The following LRMDA variants were observed in gnomAD, a reference collection of about 807,000 sequenced individuals.
The protein encoded by LRMDA is leucine-rich melanocyte differentiation-associated protein.
LRMDA carries 18 observed loss-of-function variants against 29.8 expected under a neutral mutation model. The ratio of observed to expected loss-of-function variants is 0.60; its 90% CI spans 0.42 to 0.90. The LOEUF (loss-of-function observed/expected upper bound fraction) is 0.90, where lower values mean the gene tolerates loss of function less well. Ranked by LOEUF, LRMDA falls within the 40% of genes least tolerant of loss-of-function variation. The pLI is 0.00. For synonymous variants in LRMDA, 125 were observed against 109.4 expected, an observed-to-expected ratio of 1.14 and a Z score of -0.89; for missense variants, 273 against 273.9, an observed-to-expected ratio of 1.00 and a Z score of 0.02.
intron 2 of LRMDA, among the ~76,000 whole-genome samples, chr10:75,448,680 C>T (rs551113640): frequency 6.6e-6 from 1 of 152,314 alleles, no homozygotes; most frequent in East Asian, 1.9e-4. Flanking sequence ...ATCCTTCCCC[C>T]ACTATGCCAA....
chr10:75,699,088 C>T (rs1213604991), intron 2 of LRMDA, among the ~76,000 whole-genome samples: 1 of 151,710 alleles, frequency 6.6e-6, no homozygotes, highest in Admixed American at 6.6e-5. Flanking sequence ...GTAGTCCCAG[C>T]TACTCGGGAG....
intron 2 of LRMDA, among the ~76,000 whole-genome samples, chr10:75,445,571 C>T (rs992167934): frequency 6.6e-3 from 3 of 456 alleles, no homozygotes; most frequent in African/African-American, 0.021. Flanking sequence ...GTGCTTTAGC[C>T]GGGTTGGTTC....
chr10:75,864,680 G>T (rs945443287), intron 2 of LRMDA, among the ~76,000 whole-genome samples: 3 of 152,054 alleles, frequency 2.0e-5, no homozygotes, highest in Non-Finnish European at 4.4e-5. Context: ...TTACAATTTG[G>T]CAGTGATTCT....
intron 5 of LRMDA, among the ~76,000 whole-genome samples, chr10:76,172,644 T>G (rs12245788): frequency 2.6e-5 from 4 of 151,972 alleles, no homozygotes; most frequent in Non-Finnish European, 5.9e-5. Context: ...TGGAGCACCC[T>G]TTGGAGCTCA....
intron 6 of LRMDA, among the ~76,000 whole-genome samples, chr10:76,332,053 G>T (rs1344668566): frequency 6.6e-6 from 1 of 152,148 alleles, no homozygotes; most frequent in Non-Finnish European, 1.5e-5. Context: ...ACTCCGGTCT[G>T]GGTCATCAAA....
At chr10:75,847,271 A>G (rs1055438820) in intron 2 of LRMDA, among the ~76,000 whole-genome samples, 1 of 152,238 alleles carries the variant, frequency 6.6e-6, no homozygotes, top group Admixed American at 6.5e-5. Flanking sequence ...CAGTCTCTTC[A>G]ACAAATGATG....
chr10:75,767,344 C>T (rs978628610), intron 2 of LRMDA, among the ~76,000 whole-genome samples: 5 of 152,252 alleles, frequency 3.3e-5, no homozygotes, highest in South Asian at 2.1e-4. Context: ...TTCTAACTGG[C>T]GTGAGATAGT....
At chr10:76,450,333 A>G (rs1406832155) in intron 6 of LRMDA, among the ~76,000 whole-genome samples, 1 of 152,064 alleles carries the variant, frequency 6.6e-6, no homozygotes. Context: ...TACTTTAGAG[A>G]TAAGCTCTCA....
At chr10:76,198,480 C>T (rs375094103) in intron 5 of LRMDA, among the ~76,000 whole-genome samples, 1 of 152,190 alleles carries the variant, frequency 6.6e-6, no homozygotes. Flanking sequence ...CACACTCAGC[C>T]CTGGCCATGT....
intron 2 of LRMDA, among the ~76,000 whole-genome samples, chr10:76,012,047 G>GTT (rs1847792173): frequency 6.6e-6 from 1 of 152,218 alleles, no homozygotes; most frequent in African/African-American, 2.4e-5. Context: ...AGGGTTAGGG[G>GTT]CAGGGTCTGA....
intron 2 of LRMDA, among the ~76,000 whole-genome samples, chr10:75,533,602 T>C (rs1039346323): frequency 6.6e-6 from 1 of 152,264 alleles, no homozygotes; most frequent in Non-Finnish European, 1.5e-5. Context: ...CTATGTTTTC[T>C]TGTCTCTTGA....
intron 2 of LRMDA, among the ~76,000 whole-genome samples, chr10:75,980,750 C>A (rs1847154022): frequency 6.6e-6 from 1 of 152,206 alleles, no homozygotes; most frequent in South Asian, 2.1e-4. Flanking sequence ...ACTCTTCTTA[C>A]AAATTGTACC....
intron 2 of LRMDA, among the ~76,000 whole-genome samples, chr10:75,458,028 T>C (rs1248071934): frequency 6.6e-6 from 1 of 152,122 alleles, no homozygotes; most frequent in Non-Finnish European, 1.5e-5. Context: ...ACAGGATGCC[T>C]GAGTATTGAG....
chr10:76,185,959 T>C (rs974435307), intron 5 of LRMDA, among the ~76,000 whole-genome samples: 1 of 152,234 alleles, frequency 6.6e-6, no homozygotes, highest in Non-Finnish European at 1.5e-5. Flanking sequence ...TCATGTTTAA[T>C]CTCAAGTTTA....
chr10:75,575,143 C>T (rs1438791757), intron 2 of LRMDA, among the ~76,000 whole-genome samples: 1 of 152,164 alleles, frequency 6.6e-6, no homozygotes, highest in Non-Finnish European at 1.5e-5. Context: ...TGATGCTAAA[C>T]TATTAGAAAC....
At chr10:76,121,033 G>A (rs760919787) in intron 5 of LRMDA, among the ~76,000 whole-genome samples, 7 of 151,778 alleles carry the variant, frequency 4.6e-5, no homozygotes, top group Non-Finnish European at 8.8e-5. Context: ...GGGTTTCACC[G>A]GATTGCTTTT....
At chr10:76,190,383 A>G (rs1299289679) in intron 5 of LRMDA, among the ~76,000 whole-genome samples, 2 of 152,178 alleles carry the variant, frequency 1.3e-5, no homozygotes, top group Non-Finnish European at 2.9e-5. Flanking sequence ...TTAAATGAGA[A>G]TAATTTAAAT....
intron 6 of LRMDA, among the ~76,000 whole-genome samples, chr10:76,486,454 A>T (rs1461872801): frequency 6.6e-6 from 1 of 151,898 alleles, no homozygotes; most frequent in East Asian, 1.9e-4. Flanking sequence ...GCACGTACAT[A>T]GGTCAAGTTT....
intron 6 of LRMDA, among the ~76,000 whole-genome samples, chr10:76,356,145 A>G (rs1025518210): frequency 2.6e-5 from 4 of 152,216 alleles, no homozygotes; most frequent in African/African-American, 9.6e-5. Flanking sequence ...GTATAACTGG[A>G]CAATTGCAAA....
Sources: gnomAD v4.1 joint callset for allele counts (sites outside exome capture counted in the v4.1 genomes callset) on GRCh38, gnomAD v4.1.1 for gene constraint, MANE v1.5 for transcripts, NCBI Gene and HGNC (gene_info 2026-07-23, HGNC 2026-07-21) for gene names.